ZNF653: variants seen among roughly 807,000 people sequenced by gnomAD.
The protein encoded by ZNF653 is 67 kDa zinc finger protein.
A neutral mutation model predicts 59.9 loss-of-function variants in ZNF653; 37 were observed. That is an observed-to-expected ratio of 0.62 (90% CI 0.48 to 0.81). The LOEUF is 0.81. ZNF653 is among the 40% of genes least tolerant of loss of function. The pLI is 0.00. For synonymous variants in ZNF653, 435 were observed against 371.8 expected, an observed-to-expected ratio of 1.17 and a Z score of -1.96; for missense variants, 808 against 881.1, an observed-to-expected ratio of 0.92 and a Z score of 1.05.
rs1040174383 is a variant in ZNF653 at position 11,495,033 on chromosome 19, G to A, written c.559+917C>T. Among the ~76,000 whole-genome samples the A allele has an allele frequency of 2.0e-5, 3 of 152,136 alleles. No homozygotes were observed. Among genetic ancestry groups the A allele is most frequent in the East Asian group, 3.9e-4 (2 of 5,184 alleles). ...CGGTCGTTGGCGGGGGCGCCCACCCGGAACACCTCTCGCCCCCGGCTTCCC... is the reference window on the plus strand; with the variant it reads ...CGGTCGTTGGCGGGGGCGCCCACCCAGAACACCTCTCGCCCCCGGCTTCCC... On this transcript the variant is annotated intron_variant, in intron 3 of 8. Coordinates refer to ENST00000293771, the MANE Select transcript of ZNF653 (RefSeq NM_138783.4). This position sits in a 1 kb window ranked among gnomAD's most constrained non-coding sequence, Gnocchi z 4.9.
At position 11,504,713 on chromosome 19, in the gene ZNF653, T is replaced by A. The variant is rs570168581; in HGVS notation, c.299+775A>T. ...TGCTTGTGATACGGAATAAACGTCATCCTCGTAAAAGTTAATACTTAGGGA... is the reference window on the plus strand; with the variant it reads ...TGCTTGTGATACGGAATAAACGTCAACCTCGTAAAAGTTAATACTTAGGGA... On this transcript the variant is annotated intron_variant, in intron 1 of 8. Transcript: ENST00000293771. The A allele has an allele frequency of 2.0e-4, 62 of 304,578 alleles. No homozygotes were observed. In the South Asian group the frequency reaches 7.3e-3, roughly 36 times the overall value. 18.9% of individuals were successfully genotyped at this position (304,578 alleles called of 1,614,324 possible). A position where few individuals can be genotyped will look rare whatever the true frequency, so the allele number is the denominator to read the frequency against.
intron 1 of ZNF653, among the ~76,000 whole-genome samples, chr19:11,500,091 TGACA>T (rs1208222223): frequency 2.0e-5 from 3 of 152,174 alleles, no homozygotes; most frequent in African/African-American, 7.2e-5. Context: ...ACAAACATCC[TGACA>T]GCCAGTCTAG....
At chr19:11,504,895 AG>A in intron 1 of ZNF653, 1 of 152,440 alleles carries the variant, frequency 6.6e-6, no homozygotes, top group East Asian at 1.9e-4. Context: ...CCACCTGCCA[AG>A]CTAACTAGGG....
intron 7 of ZNF653, among the ~76,000 whole-genome samples, chr19:11,484,538 G>A (rs1354601588): frequency 6.6e-6 from 1 of 152,032 alleles, no homozygotes; most frequent in Non-Finnish European, 1.5e-5. Flanking sequence ...CTCCTGAGTA[G>A]CTGGGATTAC....
intron 7 of ZNF653, among the ~76,000 whole-genome samples, chr19:11,484,464 C>T (rs180985352): frequency 4.6e-5 from 7 of 152,158 alleles, no homozygotes; most frequent in East Asian, 1.9e-4. Context: ...TGCAATGGCC[C>T]GATCTCGGCT....
At chr19:11,505,246 G>A (rs1272433467) in intron 1 of ZNF653, 2 of 441,474 alleles carry the variant, frequency 4.5e-6, no homozygotes, top group Non-Finnish European at 7.9e-6. Context: ...GGGGCCAAGC[G>A]CTCAGAAGGC....
intron 1 of ZNF653, among the ~76,000 whole-genome samples, chr19:11,500,442 C>T (rs545082594): frequency 6.6e-6 from 1 of 152,298 alleles, no homozygotes; most frequent in Non-Finnish European, 1.5e-5. Context: ...TCAAGCGATT[C>T]TTCTGCCTCA....
chr19:11,494,733 G>A (rs1245042630), intron 3 of ZNF653, among the ~76,000 whole-genome samples: 1 of 152,152 alleles, frequency 6.6e-6, no homozygotes, highest in East Asian at 1.9e-4. Context: ...AAGTTGAGTT[G>A]GGGCGTAAGT....
intron 3 of ZNF653, among the ~76,000 whole-genome samples, chr19:11,488,928 T>C (rs527460940): frequency 1.2e-4 from 17 of 141,630 alleles, no homozygotes; most frequent in Non-Finnish European, 2.0e-4. Context: ...GAGACAGAGT[T>C]TCGTTCTGTC....
intron 3 of ZNF653, among the ~76,000 whole-genome samples, chr19:11,488,823 C>T (rs897549258): frequency 4.0e-5 from 6 of 151,812 alleles, no homozygotes; most frequent in Non-Finnish European, 8.8e-5. Context: ...GTCTCGATCT[C>T]CTGACCTTAT....
rs150043281 is a variant in ZNF653 at position 11,487,818 on chromosome 19, C to T, written c.645G>A (p.Pro215=). 69 of 1,612,088 alleles carry T rather than the reference C, an allele frequency of 4.3e-5. No homozygotes were observed. The highest frequency in any genetic ancestry group is 3.9e-4 in the African/African-American group (29 of 75,010). The part of the protein sequence containing the change: ...SDSEESPEGQ[P]VKAAAAAAAA... ...CCGCTGCCGCTGCCGCAGCCTTGAC[C>T]GGCTGGCCCTCAGGAGACTCCTCAG... The change falls in exon 4 of 9, where the codon CCG becomes CCA. Residue 215 remains proline (P), a synonymous_variant. Transcript: ENST00000293771. The surrounding 1 kb of genome is among the most constrained non-coding windows in gnomAD (Gnocchi z 5.1).
Position 11,486,951 on chromosome 19 carries a change from G to C in ZNF653, c.1343+36C>G, listed in dbSNP as rs374741216. The C allele has an allele frequency of 1.8e-4, 287 of 1,611,604 alleles. 2 individuals carry two copies. Among genetic ancestry groups the C allele is most frequent in the Admixed American group, 7.5e-4 (45 of 59,882 alleles). On this transcript the variant is annotated intron_variant, in intron 5 of 8. Transcript: ENST00000293771. ...GCTGGGGGCCTGCGGGCCGCTTCTA[G>C]CCCTCGCCCTCACCCTTGCCCGCCC...
At chr19:11,501,561 C>T (rs1971644545) in intron 1 of ZNF653, among the ~76,000 whole-genome samples, 1 of 152,174 alleles carries the variant, frequency 6.6e-6, no homozygotes, top group Non-Finnish European at 1.5e-5. Context: ...TGGAACTCCT[C>T]CAGTCAGAGC....
intron 1 of ZNF653, chr19:11,504,578 A>G: frequency 1.0e-6 from 1 of 985,336 alleles, no homozygotes; most frequent in Non-Finnish European, 1.2e-6. Flanking sequence ...AGGGGTGGGT[A>G]TAACTTAGCA....
chr19:11,500,564 C>G (rs1026076515), intron 1 of ZNF653: 2 of 152,300 alleles, frequency 1.3e-5, no homozygotes, highest in Non-Finnish European at 2.9e-5. Context: ...GAACTCCTGA[C>G]CTCAAGTGAT....
At chr19:11,492,464 T>G (rs1971539295) in intron 3 of ZNF653, among the ~76,000 whole-genome samples, 3 of 152,138 alleles carry the variant, frequency 2.0e-5, no homozygotes, top group Non-Finnish European at 4.4e-5. Flanking sequence ...ATCCTCCTGC[T>G]TCGGCCTCCT....
At chr19:11,489,460 A>G (rs1464730259) in intron 3 of ZNF653, among the ~76,000 whole-genome samples, 2 of 152,234 alleles carry the variant, frequency 1.3e-5, no homozygotes, top group East Asian at 3.9e-4. Flanking sequence ...GGGCCTCCCA[A>G]AGTGCTGGAA....
chr19:11,488,151 CTTT>C (rs954471599), intron 3 of ZNF653, among the ~76,000 whole-genome samples: 4 of 115,060 alleles, frequency 3.5e-5, no homozygotes. Context: ...CCACACCTGG[CTTT>C]TTTTTTTTTT....
rs148324883 is a variant in ZNF653 at position 11,487,031 on chromosome 19, G to T, written c.1299C>A (p.Ser433Arg). The T allele has an allele frequency of 6.2e-7, 1 of 1,614,002 alleles. No homozygotes were observed. Among genetic ancestry groups the T allele is most frequent in the Non-Finnish European group, 8.5e-7 (1 of 1,179,998 alleles). ...TTTCATAGATGATGGCTGACATGTC[G>T]CTGCCGTCCAGCTCCTCCCCGTCCG... Reference protein sequence around the residue: ...AEADGEELDGSDMSAIIYEIP... With the variant: ...AEADGEELDGRDMSAIIYEIP... Residue 433 changes from serine (S) to arginine (R), a missense_variant, in exon 5 of 9, where the codon AGC becomes AGA. Transcript: ENST00000293771. This position sits in a 1 kb window ranked among gnomAD's most constrained non-coding sequence, Gnocchi z 5.1.
Sources: gnomAD v4.1 joint callset for allele counts (sites outside exome capture counted in the v4.1 genomes callset) on GRCh38, gnomAD v4.1.1 for gene constraint, Gnocchi (gnomAD v3.1) non-coding constraint, MANE v1.5 for transcripts, NCBI Gene and HGNC (gene_info 2026-07-23, HGNC 2026-07-21) for gene names.